TMEM178A: variants seen among roughly 807,000 people sequenced by gnomAD.
The protein encoded by TMEM178A is transmembrane protein 178A.
In TMEM178A, 12 loss-of-function variants were observed where a neutral mutation model predicts 29.1. That is an observed-to-expected ratio of 0.41 (90% confidence interval 0.26 to 0.67). TMEM178A has a LOEUF of 0.67. Among genes scored for constraint, TMEM178A ranks in the 30% least tolerant of loss-of-function variants. The probability of loss-of-function intolerance (pLI) is 0.29; values close to 1 mark genes in which losing one functional copy is unlikely to be tolerated. For synonymous variants in TMEM178A, 210 were observed against 187.2 expected (o/e 1.12, Z -0.99); for missense variants, 366 against 419.1 (o/e 0.87, Z 1.11).
At chr2:39,723,665 A>G in the TMEM178A span, among the ~76,000 whole-genome samples, 4 of 152,274 alleles carry the variant, frequency 2.6e-5, no homozygotes, top group Non-Finnish European at 4.4e-5. Context: ...TGTCCTTTAT[A>G]AACCATATCT....
chr2:39,722,152 G>A (rs1672718930), downstream of TMEM178A, among the ~76,000 whole-genome samples: 1 of 152,100 alleles, frequency 6.6e-6, no homozygotes, highest in Admixed American at 6.6e-5. Context: ...GGGTGGTGAT[G>A]AAAATGCACA....
intron 1 of TMEM178A, among the ~76,000 whole-genome samples, chr2:39,679,396 TAAA>T (rs11384138): frequency 6.6e-6 from 1 of 150,910 alleles, no homozygotes; most frequent in East Asian, 1.9e-4. Flanking sequence ...TACTTGGTGT[TAAA>T]AAAAAAGTAG....
chr2:39,685,824 G>C (rs1184880819), intron 1 of TMEM178A, among the ~76,000 whole-genome samples: 1 of 152,216 alleles, frequency 6.6e-6, no homozygotes, highest in Non-Finnish European at 1.5e-5. Flanking sequence ...CCAAACTCCA[G>C]GATAGGGAGG....
intron 1 of TMEM178A, among the ~76,000 whole-genome samples, chr2:39,685,655 A>G (rs1671046039): frequency 1.3e-5 from 2 of 152,232 alleles, no homozygotes. Flanking sequence ...CATGGATGAA[A>G]GGTGATCATG....
At chr2:39,684,954 G>A (rs1016591454) in intron 1 of TMEM178A, among the ~76,000 whole-genome samples, 2 of 152,110 alleles carry the variant, frequency 1.3e-5, no homozygotes, top group Admixed American at 1.3e-4. Context: ...CCTCTCACTG[G>A]AACCTTTTTC....
chr2:39,719,374 CAGG>C (rs1672656774), downstream of TMEM178A, among the ~76,000 whole-genome samples: 1 of 152,174 alleles, frequency 6.6e-6, no homozygotes, highest in South Asian at 2.1e-4. Context: ...CTCGCGGTAG[CAGG>C]AGGTTGAAGG....
At chr2:39,678,273 T>C (rs1055888532) in intron 1 of TMEM178A, among the ~76,000 whole-genome samples, 2 of 152,142 alleles carry the variant, frequency 1.3e-5, no homozygotes, top group Admixed American at 6.5e-5. Context: ...ACAAAAACAC[T>C]GTACATAAAT....
intron 3 of TMEM178A, among the ~76,000 whole-genome samples, chr2:39,714,550 C>A (rs940084143): frequency 1.3e-5 from 2 of 152,068 alleles, no homozygotes; most frequent in African/African-American, 4.8e-5. Flanking sequence ...AGTGCTCTGG[C>A]AACTTGGATA....
At chr2:39,691,334 A>G (rs1057057256) in intron 1 of TMEM178A, among the ~76,000 whole-genome samples, 1 of 152,220 alleles carries the variant, frequency 6.6e-6, no homozygotes. Context: ...GAATCCTCAT[A>G]AGACTACCAG....
intron 1 of TMEM178A, among the ~76,000 whole-genome samples, chr2:39,669,066 A>C (rs1670297620): frequency 6.6e-6 from 1 of 152,196 alleles, no homozygotes; most frequent in African/African-American, 2.4e-5. Flanking sequence ...TTCTTCTATG[A>C]GTTACCTTGT....
intron 1 of TMEM178A, among the ~76,000 whole-genome samples, chr2:39,680,642 G>A (rs1297135302): frequency 6.6e-6 from 1 of 152,124 alleles, no homozygotes; most frequent in African/African-American, 2.4e-5. Flanking sequence ...GAATGCAAAA[G>A]GAGTATACCC....
intron 1 of TMEM178A, among the ~76,000 whole-genome samples, chr2:39,678,693 C>CA (rs1195651094): frequency 1.3e-5 from 2 of 152,076 alleles, no homozygotes; most frequent in Non-Finnish European, 2.9e-5. Flanking sequence ...AAGATGTAAA[C>CA]AAAAAAACCC....
At chr2:39,682,146 T>A (rs1037046466) in intron 1 of TMEM178A, among the ~76,000 whole-genome samples, 1 of 152,206 alleles carries the variant, frequency 6.6e-6, no homozygotes, top group Non-Finnish European at 1.5e-5. Context: ...GTTTTCCAAA[T>A]AGCTAAAACC....
At position 39,665,966 on chromosome 2, in the gene TMEM178A, C is replaced by T. The variant is rs188192195; in HGVS notation, c.-9C>T. 2 of 1,342,700 alleles carry T rather than the reference C, an allele frequency of 1.5e-6. No individual in the cohort carries two copies. Among genetic ancestry groups the T allele is most frequent in the Non-Finnish European group, 9.5e-7 (1 of 1,049,524 alleles). The allele number at this position is 1,342,700 out of a possible 1,614,324, so 83.2% of individuals were successfully genotyped here. A position where few individuals can be genotyped will look rare whatever the true frequency, so the allele number is the denominator to read the frequency against. On this transcript the variant is annotated 5_prime_UTR_variant, in exon 1 of 4. Coordinates refer to ENST00000281961, the MANE Select transcript of TMEM178A (RefSeq NM_152390.3). Reference sequence around the variant, plus strand: ...GAGCCCACCGGCGGCTGCGGCGGGGCGGGAAGCCATGGAGCCGCGGGCGCT... The same window carrying T: ...GAGCCCACCGGCGGCTGCGGCGGGGTGGGAAGCCATGGAGCCGCGGGCGCT...
chr2:39,703,661 T>C (rs1282282983), intron 1 of TMEM178A, among the ~76,000 whole-genome samples: 3 of 152,188 alleles, frequency 2.0e-5, no homozygotes, highest in Non-Finnish European at 4.4e-5. Flanking sequence ...GAAAAATGTC[T>C]TCTGGTTTCC....
chr2:39,679,824 A>C (rs1670792193), intron 1 of TMEM178A, among the ~76,000 whole-genome samples: 1 of 152,154 alleles, frequency 6.6e-6, no homozygotes, highest in Non-Finnish European at 1.5e-5. Context: ...AGCTGGAATG[A>C]GTTGCTGCAA....
intron 1 of TMEM178A, among the ~76,000 whole-genome samples, chr2:39,678,558 G>T (rs762782520): frequency 6.6e-6 from 1 of 152,108 alleles, no homozygotes; most frequent in African/African-American, 2.4e-5. Context: ...ACAGGGAGGG[G>T]ATAATAGGGA....
intron 3 of TMEM178A, among the ~76,000 whole-genome samples, chr2:39,708,450 G>C (rs1278557471): frequency 9.1e-6 from 1 of 110,220 alleles, no homozygotes; most frequent in African/African-American, 3.5e-5. Context: ...ACGGAGTTTC[G>C]CTCTGTCGCC....
At chr2:39,696,325 T>C (rs1052364073) in intron 1 of TMEM178A, among the ~76,000 whole-genome samples, 2 of 152,202 alleles carry the variant, frequency 1.3e-5, no homozygotes, top group Non-Finnish European at 2.9e-5. Context: ...TGGGTTAATC[T>C]GTGATGACCA....
Sources: allele counts gnomAD v4.1 joint callset (sites outside exome capture counted in the v4.1 genomes callset), GRCh38; gene constraint gnomAD v4.1.1; transcripts MANE v1.5; gene names NCBI Gene and HGNC (gene_info 2026-07-23, HGNC 2026-07-21).